Variants in PHACTR1 observed in about 807,000 individuals in gnomAD.
The protein encoded by PHACTR1 is phosphatase and actin regulator 1.
In PHACTR1, 16 loss-of-function variants were observed where a neutral mutation model predicts 69.2. That is an observed-to-expected ratio of 0.23 (90% CI 0.16 to 0.35). PHACTR1 has a LOEUF of 0.35. Among genes scored for constraint, PHACTR1 ranks in the 10% least tolerant of loss-of-function variants. The pLI, the probability that PHACTR1 is intolerant of heterozygous loss-of-function variation, is 1.00. For synonymous variants in PHACTR1, 312 were observed against 284.5 expected (o/e 1.10, Z -0.97); for missense variants, 510 against 734.7 (o/e 0.69, Z 3.54).
At chr6:12,737,354 T>C (rs1319228687) in intron 3 of PHACTR1, among the ~76,000 whole-genome samples, 1 of 152,078 alleles carries the variant, frequency 6.6e-6, no homozygotes, top group East Asian at 1.9e-4. Flanking sequence ...AAAATGCCAT[T>C]ATGTGGCACA....
At chr6:13,066,225 G>A (rs957951065) in intron 5 of PHACTR1, among the ~76,000 whole-genome samples, 7 of 152,166 alleles carry the variant, frequency 4.6e-5, no homozygotes, top group African/African-American at 1.7e-4. Context: ...ATCCTTAATA[G>A]CATTGACTCT....
At chr6:13,176,389 A>C (rs1295218430) in intron 6 of PHACTR1, among the ~76,000 whole-genome samples, 1 of 152,146 alleles carries the variant, frequency 6.6e-6, no homozygotes. Context: ...CGTCACTCAC[A>C]TGGTCATTTC....
rs931178123 is a variant in PHACTR1 at position 12,719,839 on chromosome 6, C to A, written c.103+992C>A. Among the ~76,000 whole-genome samples the A allele has an allele frequency of 2.0e-5, 3 of 152,270 alleles. No homozygotes were observed. The South Asian group carries it at 6.2e-4, about 32-fold the overall frequency. On this transcript the variant is annotated intron_variant, in intron 3 of 14. Coordinates refer to ENST00000332995, the MANE Select transcript of PHACTR1 (RefSeq NM_030948.6). ...CTCTCAAGCCAACTTATCGTGGTAACCTCAGGGGGCTTGCAAGCCATCTCC... is the reference window on the plus strand; with the variant it reads ...CTCTCAAGCCAACTTATCGTGGTAAACTCAGGGGGCTTGCAAGCCATCTCC...
At chr6:13,094,263 T>C (rs1813767872) in intron 5 of PHACTR1, among the ~76,000 whole-genome samples, 1 of 151,726 alleles carries the variant, frequency 6.6e-6, no homozygotes, top group African/African-American at 2.4e-5. Flanking sequence ...TTATACTTTT[T>C]CTGTGGTTCT....
At chr6:12,910,597 A>T (rs996598327) in intron 4 of PHACTR1, among the ~76,000 whole-genome samples, 3 of 152,228 alleles carry the variant, frequency 2.0e-5, no homozygotes, top group African/African-American at 4.8e-5. Flanking sequence ...GTAACCAAGG[A>T]TCCAGTTGCA....
At chr6:13,141,329 A>G (rs1822401531) in intron 5 of PHACTR1, among the ~76,000 whole-genome samples, 1 of 152,228 alleles carries the variant, frequency 6.6e-6, no homozygotes, top group African/African-American at 2.4e-5. Flanking sequence ...AAATTGCTGG[A>G]CAATATTATG....
intron 3 of PHACTR1, among the ~76,000 whole-genome samples, chr6:12,727,532 C>T (rs926080834): frequency 2.6e-5 from 4 of 152,090 alleles, no homozygotes; most frequent in African/African-American, 9.7e-5. Flanking sequence ...AATGAGAGAA[C>T]GAGAGCCAGA....
At chr6:12,899,388 C>T (rs550240799) in intron 4 of PHACTR1, among the ~76,000 whole-genome samples, 1 of 152,250 alleles carries the variant, frequency 6.6e-6, no homozygotes, top group South Asian at 2.1e-4. Flanking sequence ...ATATATCAGC[C>T]TTTTACCTGT....
intron 5 of PHACTR1, among the ~76,000 whole-genome samples, chr6:13,104,377 G>A (rs1351520057): frequency 6.6e-6 from 1 of 152,270 alleles, no homozygotes; most frequent in East Asian, 1.9e-4. Flanking sequence ...TGTGTGTTGA[G>A]GGGTACACAT....
At chr6:12,983,941 T>C (rs1360778302) in intron 4 of PHACTR1, among the ~76,000 whole-genome samples, 8 of 152,252 alleles carry the variant, frequency 5.3e-5, no homozygotes, top group Non-Finnish European at 1.0e-4. Context: ...TAATCCAGTC[T>C]ATCATTGATG....
intron 7 of PHACTR1, among the ~76,000 whole-genome samples, chr6:13,200,952 A>G: frequency 6.6e-6 from 1 of 151,892 alleles, no homozygotes; most frequent in Non-Finnish European, 1.5e-5. Context: ...TCAAAAAAAA[A>G]AAAAAAGAAA....
chr6:13,142,257 C>A lies in PHACTR1; in HGVS notation c.416-17947C>A, dbSNP rs569538166. ...AGCTGGGACTACAGGCATGCGCCAC[C>A]ACACCTGGCTAATTTTTGTATTTTT... is the stretch of plus-strand genomic sequence containing the variant. On this transcript the variant is annotated intron_variant, in intron 5 of 14. Coordinates refer to ENST00000332995, the MANE Select transcript of PHACTR1 (RefSeq NM_030948.6). 4.6e-5 allele frequency among the ~76,000 whole-genome samples: 7 copies of A among 152,292 alleles called. No homozygotes were observed. The East Asian group carries it at 1.4e-3, about 29-fold the overall frequency.
At chr6:12,815,136 G>A (rs575810402) in intron 4 of PHACTR1, among the ~76,000 whole-genome samples, 42 of 152,214 alleles carry the variant, frequency 2.8e-4, no homozygotes, top group African/African-American at 9.9e-4. Flanking sequence ...CCATAAGGAG[G>A]GCCACCACAC....
intron 4 of PHACTR1, among the ~76,000 whole-genome samples, chr6:12,769,861 C>T (rs927462760): frequency 2.0e-5 from 3 of 152,214 alleles, no homozygotes; most frequent in Non-Finnish European, 2.9e-5. Context: ...ATCTCTTTAA[C>T]CCCCCAAGTC....
intron 5 of PHACTR1, among the ~76,000 whole-genome samples, chr6:13,140,425 A>C (rs1452999973): frequency 7.2e-5 from 11 of 152,226 alleles, no homozygotes; most frequent in Admixed American, 7.2e-4. Context: ...AAAGTGGCCT[A>C]TATATACAAT....
chr6:13,115,322 A>G (rs1403362401), intron 5 of PHACTR1, among the ~76,000 whole-genome samples: 24 of 152,322 alleles, frequency 1.6e-4, no homozygotes. Flanking sequence ...ACAGCTACAC[A>G]GTACATTCAG....
intron 3 of PHACTR1, among the ~76,000 whole-genome samples, chr6:12,723,473 T>C (rs1762386045): frequency 6.6e-6 from 1 of 151,140 alleles, no homozygotes; most frequent in Admixed American, 6.6e-5. Context: ...CCTGGAATCC[T>C]TGTTTTGGCC....
At chr6:13,109,797 T>G (rs1339487321) in intron 5 of PHACTR1, among the ~76,000 whole-genome samples, 2 of 151,820 alleles carry the variant, frequency 1.3e-5, no homozygotes, top group Non-Finnish European at 2.9e-5. Context: ...TTCATATTGT[T>G]TCAGAAATCA....
chr6:12,988,179 T>C (rs1459404765), intron 4 of PHACTR1, among the ~76,000 whole-genome samples: 4 of 152,212 alleles, frequency 2.6e-5, no homozygotes, highest in Admixed American at 2.6e-4. Flanking sequence ...GCAGTACATA[T>C]TGGCAGGTAA....
Sources: gnomAD v4.1 joint callset for allele counts (sites outside exome capture counted in the v4.1 genomes callset) on GRCh38, gnomAD v4.1.1 for gene constraint, MANE v1.5 for transcripts, NCBI Gene and HGNC (gene_info 2026-07-23, HGNC 2026-07-21) for gene names.